The following ZDHHC22 variants were observed in gnomAD, a reference collection of about 807,000 sequenced individuals.
ZDHHC22 encodes palmitoyltransferase ZDHHC22.
In ZDHHC22, 13 loss-of-function variants were observed where a neutral mutation model predicts 17.0. That is an observed-to-expected ratio of 0.76 (90% CI 0.50 to 1.21). ZDHHC22 has a LOEUF of 1.21. Ranked by LOEUF, ZDHHC22 falls within the 50% of genes most tolerant of loss-of-function variation. ZDHHC22 has a pLI of 0.00. For synonymous variants in ZDHHC22, 138 were observed against 154.7 expected (o/e 0.89, Z 0.80); for missense variants, 319 against 342.3 (o/e 0.93, Z 0.54).
intron 2 of ZDHHC22, among the ~76,000 whole-genome samples, chr14:77,138,325 A>C (rs1261630594): frequency 6.6e-6 from 1 of 152,206 alleles, no homozygotes; most frequent in Non-Finnish European, 1.5e-5. Flanking sequence ...TGGGAGGCCA[A>C]GGTGGGCGGA....
intron 2 of ZDHHC22, among the ~76,000 whole-genome samples, chr14:77,137,637 C>G (rs868339382): frequency 6.1e-5 from 9 of 147,210 alleles, no homozygotes; most frequent in African/African-American, 1.3e-4. Flanking sequence ...AGTTCTGGAC[C>G]CAGCTCAGCC....
intron 1 of ZDHHC22, 41 bp from the exon 2 acceptor site, chr14:77,139,793 C>A (rs1299134450): frequency 6.9e-7 from 1 of 1,444,974 alleles, no homozygotes; most frequent in Non-Finnish European, 9.1e-7. Flanking sequence ...CTGACTACGG[C>A]GTCCAGGGGG....
Position 77,139,749 on chromosome 14 carries a change from A to G in ZDHHC22, c.-11T>C, listed in dbSNP as rs1023019122. The G allele has an allele frequency of 6.8e-7, 1 of 1,480,370 alleles. No homozygotes were observed. The highest frequency in any genetic ancestry group is 9.0e-7 in the Non-Finnish European group (1 of 1,115,750). 91.7% of individuals were successfully genotyped at this position (1,480,370 alleles called of 1,614,324 possible). A position where few individuals can be genotyped will look rare whatever the true frequency, so the allele number is the denominator to read the frequency against. On this transcript the variant is annotated 5_prime_UTR_variant, in exon 2 of 3. The change abolishes an upstream ATG in the 5' untranslated region. Coordinates refer to ENST00000319374, the MANE Select transcript of ZDHHC22 (RefSeq NM_174976.2). ...CCGCAGGGCCAGCATCCTCGATTAC[A>G]TTCCTGCGGGGCCCGGGGTGAGAAG...
chr14:77,139,612 G>T lies in ZDHHC22; in HGVS notation c.127C>A (p.Leu43Ile), dbSNP rs778211940. ...SMREDPAAAR[L>I]FSPALLHGAL... ...CCGTGGAGCAGGGCGGGCGAGAAGA[G>T]CCGGGCGGCCGCGGGGTCCTCGCGC... is the stretch of plus-strand genomic sequence containing the variant. The change falls in exon 2 of 3, where the codon CTC becomes ATC. Residue 43 changes from leucine (L) to isoleucine (I), a missense_variant. By Grantham distance (5) the Leu-to-Ile change is conservative. Transcript: ENST00000319374. The T allele has an allele frequency of 2.5e-6, 4 of 1,584,348 alleles. No homozygotes were observed. Among genetic ancestry groups the T allele is most frequent in the South Asian group, 1.1e-5 (1 of 87,156 alleles).
At position 77,139,358 on chromosome 14, in the gene ZDHHC22, G is replaced by A; in HGVS notation, c.381C>T (p.Val127=). 7 of 1,601,856 alleles carry A rather than the reference G, an allele frequency of 4.4e-6. No homozygotes were observed. The highest frequency in any genetic ancestry group is 6.0e-6 in the Non-Finnish European group (7 of 1,174,570). ...CCAGGGAGGTGTAGAGGCAGAACAG[G>A]ACGAAGTTGCGCATGTTCCTGCTGC... ...CIGSRNMRNF[V]LFCLYTSLAC... Residue 127 remains valine, a synonymous_variant, in exon 2 of 3, where the codon GTC becomes GTT. Transcript: ENST00000319374.
At chr14:77,134,667 C>T (rs577390886) in intron 2 of ZDHHC22, among the ~76,000 whole-genome samples, 1 of 152,284 alleles carries the variant, frequency 6.6e-6, no homozygotes, top group East Asian at 1.9e-4. Context: ...GGGGCAGGAT[C>T]TCCCCAGAAT....
intron 2 of ZDHHC22, among the ~76,000 whole-genome samples, chr14:77,137,453 G>A (rs1470283748): frequency 1.3e-5 from 2 of 152,152 alleles, no homozygotes; most frequent in South Asian, 2.1e-4. Context: ...TACGGTTGGC[G>A]AAACTACTTG....
chr14:77,139,177 G>T (rs374019823), intron 2 of ZDHHC22, 36 bp downstream of exon 2: 9 of 1,540,298 alleles, frequency 5.8e-6, no homozygotes, highest in East Asian at 2.4e-5. Context: ...GGAGGTCTTT[G>T]TGTAGAGCCC....
intron 1 of ZDHHC22, chr14:77,141,326 G>A (rs2140056640): frequency 6.6e-6 from 1 of 152,662 alleles, no homozygotes; most frequent in East Asian, 1.9e-4. Flanking sequence ...CTAGGGGAGT[G>A]AGGGGCGCTC....
rs573826996 is a variant in ZDHHC22 at position 77,137,446 on chromosome 14, G to A, written c.526+1767C>T. Among the ~76,000 whole-genome samples, 8 of 152,214 alleles carry A rather than the reference G, an allele frequency of 5.3e-5. No homozygotes were observed. In the South Asian group the frequency reaches 6.2e-4, roughly 12 times the overall value. ...TCCTTCTGGAACCATCCATTTTTAC[G>A]GTTGGCGAAACTACTTGGAAAAGAA... is the stretch of plus-strand genomic sequence containing the variant. On this transcript the variant is annotated intron_variant, in intron 2 of 2. Coordinates refer to ENST00000319374, the MANE Select transcript of ZDHHC22 (RefSeq NM_174976.2).
At chr14:77,138,608 G>T (rs975590031) in intron 2 of ZDHHC22, among the ~76,000 whole-genome samples, 3 of 152,002 alleles carry the variant, frequency 2.0e-5, no homozygotes, top group African/African-American at 7.2e-5. Context: ...CGTTCCCTCT[G>T]CTCTGAGCCA....
intron 2 of ZDHHC22, among the ~76,000 whole-genome samples, chr14:77,137,430 A>G (rs1887157982): frequency 6.6e-6 from 1 of 152,210 alleles, no homozygotes. Context: ...TTCCTTCTGG[A>G]ACCATCCATT....
chr14:77,133,852 A>C lies in ZDHHC22; in HGVS notation c.623T>G (p.Leu208Arg). The C allele has an allele frequency of 6.2e-7, 1 of 1,613,548 alleles. No homozygotes were observed. Among genetic ancestry groups the C allele is most frequent in the Non-Finnish European group, 8.5e-7 (1 of 1,179,764 alleles). The change falls in exon 3 of 3, where the codon CTG (leucine) becomes CGG (arginine). Residue 208 changes from leucine to arginine, a missense_variant. By Grantham distance (102) the Leu-to-Arg change is moderately radical. Transcript: ENST00000319374. Reference protein sequence around the residue: ...ACAGFCCHQLLLILRGQTRHQ... With the variant: ...ACAGFCCHQLRLILRGQTRHQ... Reference sequence around the variant, plus strand: ...GCGGGTCTGCCCGCGGAGGATCAACAGCAGCTGGTGGCAGCAGAAGCCGGC... The same window carrying C: ...GCGGGTCTGCCCGCGGAGGATCAACCGCAGCTGGTGGCAGCAGAAGCCGGC...
At chr14:77,134,495 C>T (rs527389469) in intron 2 of ZDHHC22, among the ~76,000 whole-genome samples, 13 of 152,194 alleles carry the variant, frequency 8.5e-5, no homozygotes, top group East Asian at 7.7e-4. Context: ...GAATAAGTCA[C>T]GAGCTTAGTC....
chr14:77,134,419 C>T (rs947820216), intron 2 of ZDHHC22, among the ~76,000 whole-genome samples: 1 of 152,088 alleles, frequency 6.6e-6, no homozygotes, highest in Admixed American at 6.6e-5. Flanking sequence ...GCACCTTCTC[C>T]CTACTGTTCT....
At chr14:77,137,895 G>C (rs72723372) in intron 2 of ZDHHC22, among the ~76,000 whole-genome samples, 11 of 152,266 alleles carry the variant, frequency 7.2e-5, no homozygotes, top group Admixed American at 2.0e-4. Flanking sequence ...AGGCCAACAG[G>C]TGAGGAAGCA....
At chr14:77,141,563 G>T (rs749003933) in intron 1 of ZDHHC22, 40 bp downstream of exon 1, 39 of 154,378 alleles carry the variant, frequency 2.5e-4, no homozygotes, top group Non-Finnish European at 5.3e-4. Context: ...CGCCGCCGCC[G>T]CACTGCCGCC....
In ZDHHC22 at chr14:77,133,812, C is replaced by T; in HGVS notation, c.663G>A (p.Lys221=). Residue 221 remains lysine (K), a synonymous_variant, in exon 3 of 3, where the codon AAG becomes AAA. Coordinates refer to ENST00000319374, the MANE Select transcript of ZDHHC22 (RefSeq NM_174976.2). ...LRGQTRHQVR[K]GVAVRARPWR... ...AGGGCCGGGCCCTCACTGCCACCCCCTTCCGCACCTGGTGGCGGGTCTGCC... is the reference window on the plus strand; with the variant it reads ...AGGGCCGGGCCCTCACTGCCACCCCTTTCCGCACCTGGTGGCGGGTCTGCC... The T allele has an allele frequency of 6.2e-7, 1 of 1,614,016 alleles. No individual in the cohort carries two copies. The highest frequency in any genetic ancestry group is 8.5e-7 in the Non-Finnish European group (1 of 1,179,902).
At position 77,133,319 on chromosome 14, in the gene ZDHHC22, T is replaced by G; in HGVS notation, c.*364A>C. ...AAGAATCCACTCCCCTCTCCCAACA[T>G]GGGGGCTGAGAGGAAGGGCTCTAGC... is the stretch of plus-strand genomic sequence containing the variant. On this transcript the variant is annotated 3_prime_UTR_variant, in exon 3 of 3. Transcript: ENST00000319374. 1.0e-5 allele frequency: 2 copies of G among 195,514 alleles called. No individual in the cohort carries two copies. The highest frequency in any genetic ancestry group is 2.1e-5 in the Non-Finnish European group (2 of 95,988). The allele number at this position is 195,514 out of a possible 1,614,324, so 12.1% of individuals were successfully genotyped here.
Sources: gnomAD v4.1 joint callset for allele counts (sites outside exome capture counted in the v4.1 genomes callset) on GRCh38, gnomAD v4.1.1 for gene constraint, MANE v1.5 for transcripts, NCBI Gene and HGNC (gene_info 2026-07-23, HGNC 2026-07-21) for gene names.